The following KATNAL2 variants were observed in gnomAD, a reference collection of about 807,000 sequenced individuals.
KATNAL2 encodes katanin p60 ATPase-containing subunit A-like 2.
A neutral mutation model predicts 76.3 loss-of-function variants in KATNAL2; 52 were observed. That is an observed-to-expected ratio of 0.68 (90% CI 0.55 to 0.86). KATNAL2 has a LOEUF of 0.86. KATNAL2 is among the 40% of genes least tolerant of loss of function. The pLI is 0.00. For synonymous variants in KATNAL2, 243 were observed against 244.2 expected, an observed-to-expected ratio of 1.00 and a Z score of 0.05; for missense variants, 660 against 668.9, an observed-to-expected ratio of 0.99 and a Z score of 0.15.
chr18:46,944,721 C>T (rs990194729), intron 1 of KATNAL2, among the ~76,000 whole-genome samples: 2 of 151,778 alleles, frequency 1.3e-5, no homozygotes, highest in Non-Finnish European at 2.9e-5. Context: ...AGCAACAGAG[C>T]GAGACTTCGT....
In KATNAL2 at chr18:47,101,202, TGA is replaced by T. The variant is rs1192792804; in HGVS notation, c.*201_*202del. The T allele has an allele frequency of 3.4e-6, 2 of 585,934 alleles. No individual in the cohort carries two copies. Among genetic ancestry groups the T allele is most frequent in the Admixed American group, 3.0e-5 (1 of 32,996 alleles). The allele number at this position is 585,934 out of a possible 1,614,324, so 36.3% of individuals were successfully genotyped here. A position where few individuals can be genotyped will look rare whatever the true frequency, so the allele number is the denominator to read the frequency against. ...ACCATTATCGATGTCAGCAAAATAT[TGA>T]GAGTTTCAGTTACATACATATATGT... On this transcript the variant is annotated 3_prime_UTR_variant, in exon 18 of 18. Coordinates refer to ENST00000683218, the MANE Select transcript of KATNAL2 (RefSeq NM_001387690.1).
chr18:46,965,905 G>A (rs1303468497), intron 3 of KATNAL2, among the ~76,000 whole-genome samples: 22 of 146,026 alleles, frequency 1.5e-4, no homozygotes, highest in African/African-American at 4.5e-4. Flanking sequence ...AGTGTCTATG[G>A]TGTCGGCTAT....
At position 47,063,003 on chromosome 18, in the gene KATNAL2, C is replaced by T. The variant is rs753334921; in HGVS notation, c.581C>T (p.Thr194Ile). ...ATCATTGACTTCCAAGGGCTGCTCA[C>T]AGATGCCATCAAGGGAGCAACCAGT... ...GQIIDFQGLLTDAIKGATSEL... is the reference protein window; with the variant it reads ...GQIIDFQGLLIDAIKGATSEL... The change falls in exon 9 of 18, where the codon ACA becomes ATA. Residue 194 changes from threonine (T) to isoleucine (I), a missense_variant. Coordinates refer to ENST00000683218, the MANE Select transcript of KATNAL2 (RefSeq NM_001387690.1). 4.3e-6 allele frequency: 7 copies of T among 1,614,136 alleles called. No homozygotes were observed. The highest frequency in any genetic ancestry group is 5.9e-6 in the Non-Finnish European group (7 of 1,180,016).
rs770074016 is a variant in KATNAL2 at position 47,100,854 on chromosome 18, T to C, written c.1478-12T>C. On this transcript the variant is annotated splice_polypyrimidine_tract_variant and intron_variant, in intron 17 of 17. Transcript: ENST00000683218. ...CGATTGTTGTGCTGTTACTGTTGTGTTCTTATCCTAGAAAGCAGCGACTTA... is the reference window on the plus strand; with the variant it reads ...CGATTGTTGTGCTGTTACTGTTGTGCTCTTATCCTAGAAAGCAGCGACTTA... The C allele has an allele frequency of 6.2e-7, 1 of 1,614,156 alleles. No individual in the cohort carries two copies. Among genetic ancestry groups the C allele is most frequent in the Non-Finnish European group, 8.5e-7 (1 of 1,179,998 alleles).
intron 3 of KATNAL2, among the ~76,000 whole-genome samples, chr18:46,956,109 T>C (rs1244332926): frequency 6.6e-6 from 1 of 152,228 alleles, no homozygotes; most frequent in Non-Finnish European, 1.5e-5. Context: ...TGTTTATATA[T>C]TCAAATTTAG....
At chr18:46,918,051 AGAGTTGG>A (rs1284788427) in intron 1 of KATNAL2, 125 bp downstream of exon 1, 2 of 151,598 alleles carry the variant, frequency 1.3e-5, no homozygotes, top group African/African-American at 4.9e-5. Context: ...CACGGACTGC[AGAGTTGG>A]GAGAGTTAGG....
chr18:47,080,757 T>C (rs1312160440), intron 15 of KATNAL2, among the ~76,000 whole-genome samples: 1 of 152,216 alleles, frequency 6.6e-6, no homozygotes, highest in Non-Finnish European at 1.5e-5. Context: ...TAAGAAATGG[T>C]TTTGATTTGC....
chr18:47,100,230 TGGC>T, intron 16 of KATNAL2, 21 bp from the exon 17 acceptor site: 1 of 1,574,130 alleles, frequency 6.4e-7, no homozygotes, highest in Non-Finnish European at 8.7e-7. Context: ...CACTGACCAA[TGGC>T]TGGTTTTTTG....
chr18:46,956,093 C>T (rs2059738243), intron 3 of KATNAL2, among the ~76,000 whole-genome samples: 1 of 152,112 alleles, frequency 6.6e-6, no homozygotes, highest in Admixed American at 6.6e-5. Flanking sequence ...AGGCATTTGT[C>T]ACACATGTTT....
chr18:46,948,888 T>TGTGTGTGTGTG (rs1569005852), intron 3 of KATNAL2, among the ~76,000 whole-genome samples: 64 of 145,890 alleles, frequency 4.4e-4, no homozygotes, highest in South Asian at 2.2e-4. Context: ...AGTATCTGCA[T>TGTGTGTGTGTG]TGTGTGTGTG....
chr18:47,037,056 G>A (rs1045347765), intron 3 of KATNAL2, among the ~76,000 whole-genome samples: 1 of 152,230 alleles, frequency 6.6e-6, no homozygotes, highest in Non-Finnish European at 1.5e-5. Context: ...AAGAAGTGAT[G>A]TATGCTTTTT....
intron 6 of KATNAL2, among the ~76,000 whole-genome samples, chr18:47,056,800 A>C (rs1461622008): frequency 6.7e-6 from 1 of 149,288 alleles, no homozygotes; most frequent in Non-Finnish European, 1.5e-5. Context: ...GCAAGTTTAA[A>C]TACAGACACA....
chr18:47,034,915 G>A (rs780181773), intron 3 of KATNAL2: 31 of 1,611,870 alleles, frequency 1.9e-5, no homozygotes, highest in Non-Finnish European at 2.4e-5. Context: ...CCTGGGGGCC[G>A]TCGCGTTTTC....
rs564805914 is a variant in KATNAL2 at position 46,946,058 on chromosome 18, T to C, written c.-508T>C. Reference sequence around the variant, plus strand: ...ACGAGAACTTTTTTTTTTTTGTAGATTGAGGAAACTTGAATATTTTTGTAT... The same window carrying C: ...ACGAGAACTTTTTTTTTTTTGTAGACTGAGGAAACTTGAATATTTTTGTAT... On this transcript the variant is annotated splice_region_variant and 5_prime_UTR_variant, in exon 2 of 18. Transcript: ENST00000683218. The C allele has an allele frequency of 1.5e-5, 5 of 333,550 alleles. 1 individual carries two copies. The South Asian group carries it at 5.9e-4, about 39-fold the overall frequency. The allele number at this position is 333,550 out of a possible 1,614,324, so 20.7% of individuals were successfully genotyped here.
chr18:46,940,789 C>G lies in KATNAL2; in HGVS notation c.-509-5268C>G, dbSNP rs118028450. 3.3e-5 allele frequency among the ~76,000 whole-genome samples: 5 copies of G among 152,124 alleles called. No individual in the cohort carries two copies. The East Asian group carries it at 9.6e-4, about 29-fold the overall frequency. ...CCATAATCCCAGCATTTTGGGAGGC[C>G]GAGTTGGGACAATCACTTGAGGCCA... On this transcript the variant is annotated intron_variant, in intron 1 of 17. Transcript: ENST00000683218.
chr18:47,078,861 G>A (rs1443358903), intron 15 of KATNAL2, among the ~76,000 whole-genome samples: 3 of 152,126 alleles, frequency 2.0e-5, no homozygotes, highest in African/African-American at 7.2e-5. Context: ...GCTTATAAGG[G>A]CTTTTCCAAA....
intron 3 of KATNAL2, among the ~76,000 whole-genome samples, chr18:47,042,749 TC>T (rs2061004899): frequency 6.6e-6 from 1 of 152,128 alleles, no homozygotes. Flanking sequence ...ATATCCCCTA[TC>T]CAATTAATAG....
At chr18:47,091,957 AT>A (rs1449046421) in intron 15 of KATNAL2, among the ~76,000 whole-genome samples, 1 of 151,802 alleles carries the variant, frequency 6.6e-6, no homozygotes, top group African/African-American at 2.4e-5. Flanking sequence ...CTAGGGGCTT[AT>A]TTTCTCTTCC....
rs2147442994 is a variant in KATNAL2, at chr18:47,100,965, A to G, written c.1577A>G (p.Gln526Arg). Reference protein sequence around the residue: ...HTKPSAKNLAQRYSDWQREFE... With the variant: ...HTKPSAKNLARRYSDWQREFE... ...AAGCCCTCCGCAAAGAATCTGGCTCAGAGATACTCAGACTGGCAAAGAGAG... is the reference window on the plus strand; with the variant it reads ...AAGCCCTCCGCAAAGAATCTGGCTCGGAGATACTCAGACTGGCAAAGAGAG... Residue 526 changes from glutamine (Q) to arginine (R), a missense_variant, in exon 18 of 18, where the codon CAG becomes CGG. Coordinates refer to ENST00000683218, the MANE Select transcript of KATNAL2 (RefSeq NM_001387690.1). 2.5e-6 allele frequency: 4 copies of G among 1,614,144 alleles called. No homozygotes were observed. In the East Asian group the frequency reaches 8.9e-5, roughly 36 times the overall value.
Sources: allele counts gnomAD v4.1 joint callset (sites outside exome capture counted in the v4.1 genomes callset), GRCh38; gene constraint gnomAD v4.1.1; transcripts MANE v1.5; gene names NCBI Gene and HGNC (gene_info 2026-07-23, HGNC 2026-07-21).